DIAPH2: variants seen among roughly 807,000 people sequenced by gnomAD.
The protein encoded by DIAPH2 is diaphanous related formin 2, also known as protein diaphanous homolog 2.
In DIAPH2, 35 loss-of-function variants were observed where a neutral mutation model predicts 92.7. That is an observed-to-expected ratio of 0.38 (90% CI 0.29 to 0.50). DIAPH2 has a LOEUF of 0.50. Ranked by LOEUF, DIAPH2 falls within the 20% of genes least tolerant of loss-of-function variation. The pLI is 0.94. For synonymous variants in DIAPH2, 301 were observed against 280.4 expected, an observed-to-expected ratio of 1.07 and a Z score of -0.73; for missense variants, 701 against 819.5, an observed-to-expected ratio of 0.86 and a Z score of 1.77.
At chrX:97,183,052 G>A (rs769232087) in intron 22 of DIAPH2, among the ~76,000 whole-genome samples, 26 of 111,783 alleles carry the variant, frequency 2.3e-4, no homozygotes, top group Non-Finnish European at 4.9e-4. Flanking sequence ...GCTGGGTGGG[G>A]TATTTATGCC....
chrX:96,863,666 C>T (rs1300353136), intron 4 of DIAPH2, among the ~76,000 whole-genome samples: 1 of 110,572 alleles, frequency 9.0e-6, no homozygotes, highest in African/African-American at 3.3e-5. Flanking sequence ...CTAATTGAAA[C>T]ATTAGGTAAA....
chrX:97,185,486 T>TATATACAC (rs2067593179), intron 22 of DIAPH2, among the ~76,000 whole-genome samples: 3 of 14,735 alleles, frequency 2.0e-4, no homozygotes, highest in Non-Finnish European at 4.1e-4. Context: ...TATATATATA[T>TATATACAC]ATATATATAT....
chrX:97,029,560 T>G (rs1289958958), intron 17 of DIAPH2, among the ~76,000 whole-genome samples: 1 of 111,572 alleles, frequency 9.0e-6, no homozygotes, highest in Non-Finnish European at 1.9e-5. Context: ...TTTTTTTAAT[T>G]GTGCTTTTAA....
At chrX:97,230,339 T>G (rs2068000724) in intron 22 of DIAPH2, among the ~76,000 whole-genome samples, 1 of 111,808 alleles carries the variant, frequency 8.9e-6, no homozygotes, top group Non-Finnish European at 1.9e-5. Flanking sequence ...TTAGAGGCAT[T>G]TTTGGAAAGT....
rs756603728 is a variant in DIAPH2, at chrX:96,699,202, T to G, written c.132+14012T>G. 8.9e-5 allele frequency among the ~76,000 whole-genome samples: 10 copies of G among 112,256 alleles called. No homozygotes were observed. In the South Asian group the frequency reaches 3.7e-3, roughly 41 times the overall value. On this transcript the variant is annotated intron_variant, in intron 1 of 26. Coordinates refer to ENST00000324765, the MANE Select transcript of DIAPH2 (RefSeq NM_006729.5). ...CTAAGAATCTTAGTAAATTTTTGTT[T>G]TTCAAATACTTCTTATCAATTTTTA...
chrX:97,433,531 G>T (rs1275378594), intron 26 of DIAPH2, among the ~76,000 whole-genome samples: 1 of 110,176 alleles, frequency 9.1e-6, no homozygotes, highest in Non-Finnish European at 1.9e-5. Flanking sequence ...AAGAAAAAAA[G>T]AAAATATTAA....
At chrX:96,748,971 A>G (rs983158666) in intron 3 of DIAPH2, among the ~76,000 whole-genome samples, 2 of 110,242 alleles carry the variant, frequency 1.8e-5, no homozygotes, top group Non-Finnish European at 3.8e-5. Flanking sequence ...TGTATTGTCT[A>G]TAGCTCCTTT....
intron 18 of DIAPH2, 30 bp downstream of exon 18, chrX:97,073,072 A>G: frequency 9.8e-7 from 1 of 1,016,442 alleles, no homozygotes; most frequent in Non-Finnish European, 1.4e-6. Context: ...TAGGATTGGT[A>G]TAGGTAACGG....
chrX:96,995,683 A>C (rs1054945477), intron 17 of DIAPH2, among the ~76,000 whole-genome samples: 2 of 111,495 alleles, frequency 1.8e-5, no homozygotes, highest in African/African-American at 3.3e-5. Flanking sequence ...TCTAAAGATT[A>C]ATTATTTGAA....
At chrX:97,401,389 T>G (rs1282558221) in intron 25 of DIAPH2, among the ~76,000 whole-genome samples, 1 of 111,232 alleles carries the variant, frequency 9.0e-6, no homozygotes, top group Non-Finnish European at 1.9e-5. Context: ...AGTCTCAGTT[T>G]CAAGTCATAA....
At chrX:97,494,331 A>C (rs1384764294) in intron 26 of DIAPH2, among the ~76,000 whole-genome samples, 1 of 109,864 alleles carries the variant, frequency 9.1e-6, no homozygotes, top group African/African-American at 3.3e-5. Flanking sequence ...TAAATAAATA[A>C]ATACATACAT....
chrX:96,926,734 A>C (rs1229856603), intron 9 of DIAPH2, among the ~76,000 whole-genome samples: 2 of 111,616 alleles, frequency 1.8e-5, no homozygotes, highest in Non-Finnish European at 3.8e-5. Context: ...ATTTAATAGG[A>C]TATATATGCA....
chrX:97,029,154 T>G (rs2066355610), intron 17 of DIAPH2, among the ~76,000 whole-genome samples: 1 of 107,644 alleles, frequency 9.3e-6, no homozygotes, highest in Non-Finnish European at 1.9e-5. Flanking sequence ...TTCTTTTTTT[T>G]TTTTTTTTAG....
intron 19 of DIAPH2, among the ~76,000 whole-genome samples, chrX:97,076,382 A>G (rs2066704712): frequency 9.0e-6 from 1 of 110,967 alleles, no homozygotes; most frequent in Non-Finnish European, 1.9e-5. Flanking sequence ...ATACAGAAAA[A>G]TTAGCTGAGT....
intron 17 of DIAPH2, among the ~76,000 whole-genome samples, chrX:97,045,131 C>T (rs1183044916): frequency 8.9e-6 from 1 of 111,741 alleles, no homozygotes; most frequent in Non-Finnish European, 1.9e-5. Flanking sequence ...GGAGATGGAA[C>T]CAATAATACT....
chrX:97,392,511 A>G (rs1248718752), intron 25 of DIAPH2, among the ~76,000 whole-genome samples: 1 of 111,854 alleles, frequency 8.9e-6, no homozygotes, highest in African/African-American at 3.3e-5. Context: ...AAAATTACAT[A>G]AAGTTTCATG....
intron 4 of DIAPH2, among the ~76,000 whole-genome samples, chrX:96,854,598 CATAT>C (rs57209486): frequency 0.069 from 2,554 of 36,966 alleles, 167 homozygotes; most frequent in African/African-American, 0.13. Context: ...CTCTCTCTCT[CATAT>C]ATATATATAT....
At chrX:97,040,174 G>GT (rs2066438661) in intron 17 of DIAPH2, among the ~76,000 whole-genome samples, 1 of 106,388 alleles carries the variant, frequency 9.4e-6, no homozygotes, top group African/African-American at 3.4e-5. Context: ...TACCCTTGAG[G>GT]GTTTTTTTTT....
At chrX:97,108,674 A>G (rs1314123941) in intron 20 of DIAPH2, among the ~76,000 whole-genome samples, 1 of 111,998 alleles carries the variant, frequency 8.9e-6, no homozygotes, top group Admixed American at 9.5e-5. Context: ...TTGTTAAGAG[A>G]TGCACATGTA....
Sources: allele counts gnomAD v4.1 joint callset (sites outside exome capture counted in the v4.1 genomes callset), GRCh38; gene constraint gnomAD v4.1.1; transcripts MANE v1.5; gene names NCBI Gene and HGNC (gene_info 2026-07-23, HGNC 2026-07-21).